FNBP1L: variants seen among roughly 807,000 people sequenced by gnomAD.
FNBP1L encodes the protein formin binding protein 1 like.
Under a neutral mutation model 91.2 loss-of-function variants are expected in FNBP1L, and 36 were observed. The observed-to-expected ratio is 0.39, with a 90% CI of 0.30 to 0.52. The LOEUF (loss-of-function observed/expected upper bound fraction) is 0.52. Ranked by LOEUF, FNBP1L falls within the 20% of genes least tolerant of loss-of-function variation. The pLI is 0.66. For synonymous variants in FNBP1L, 242 were observed against 237.0 expected (o/e 1.02, Z -0.19); for missense variants, 571 against 732.1 (o/e 0.78, Z 2.54).
At chr1:93,454,247 T>C (rs1200022787) in intron 1 of FNBP1L, among the ~76,000 whole-genome samples, 1 of 152,166 alleles carries the variant, frequency 6.6e-6, no homozygotes, top group Non-Finnish European at 1.5e-5. Flanking sequence ...AAAGTAGTGA[T>C]GAAGGGTAGA....
intron 15 of FNBP1L, 150 bp from the exon 16 acceptor site, chr1:93,550,796 CA>C: frequency 2.8e-6 from 2 of 706,678 alleles, no homozygotes. Context: ...GGGTAAGCCA[CA>C]AAGCACAATA....
intron 1 of FNBP1L, among the ~76,000 whole-genome samples, chr1:93,478,817 A>T (rs1171182769): frequency 6.6e-6 from 1 of 152,200 alleles, no homozygotes; most frequent in African/African-American, 2.4e-5. Context: ...AACTCATGGT[A>T]TAGATAGATG....
intron 2 of FNBP1L, among the ~76,000 whole-genome samples, chr1:93,503,768 C>T (rs984958066): frequency 1.3e-5 from 2 of 152,006 alleles, no homozygotes; most frequent in Non-Finnish European, 2.9e-5. Context: ...ATCAGTCATT[C>T]TTTTAATAAA....
chr1:93,496,587 A>G (rs1670268498), intron 1 of FNBP1L, among the ~76,000 whole-genome samples: 1 of 151,916 alleles, frequency 6.6e-6, no homozygotes, highest in South Asian at 2.1e-4. Context: ...TTTTTTTGTT[A>G]GAGATTGGGT....
At chr1:93,470,574 T>C (rs781709280) in intron 1 of FNBP1L, among the ~76,000 whole-genome samples, 1 of 152,126 alleles carries the variant, frequency 6.6e-6, no homozygotes, top group Non-Finnish European at 1.5e-5. Context: ...GTTTCAGATA[T>C]GAAAGTCCAG....
At chr1:93,544,710 G>A (rs753107788) in intron 12 of FNBP1L, among the ~76,000 whole-genome samples, 2 of 152,074 alleles carry the variant, frequency 1.3e-5, no homozygotes, top group Middle Eastern at 3.4e-3. Context: ...AATTATTCAC[G>A]ATCATTAAAG....
chr1:93,534,919 T>A lies in FNBP1L; in HGVS notation c.990+11T>A. The A allele has an allele frequency of 3.2e-6, 5 of 1,555,442 alleles. No individual in the cohort carries two copies. The highest frequency in any genetic ancestry group is 4.4e-6 in the Non-Finnish European group (5 of 1,148,654). On this transcript the variant is annotated intron_variant, in intron 9 of 16. Transcript: ENST00000271234. Reference sequence around the variant, plus strand: ...GGAAAGAAGCCAAAGGTAAAAGTCATAAAATTCCTATATGCTAATCAGTTT... The same window carrying A: ...GGAAAGAAGCCAAAGGTAAAAGTCAAAAAATTCCTATATGCTAATCAGTTT...
At chr1:93,515,647 C>T (rs1253254390) in intron 2 of FNBP1L, among the ~76,000 whole-genome samples, 1 of 151,448 alleles carries the variant, frequency 6.6e-6, no homozygotes, top group Non-Finnish European at 1.5e-5. Flanking sequence ...TCATCATTCT[C>T]AGTAAACTAT....
At position 93,530,741 on chromosome 1, in the gene FNBP1L, C is replaced by A; in HGVS notation, c.511-14C>A. On this transcript the variant is annotated splice_polypyrimidine_tract_variant and intron_variant, in intron 6 of 16. Transcript: ENST00000271234. ...TTTTGTTGTTGATAATAATTTCGAC[C>A]ATTTTGCCCCTAGGCCAAACAGCAG... The A allele has an allele frequency of 6.3e-7, 1 of 1,590,644 alleles. No individual in the cohort carries two copies. Among genetic ancestry groups the A allele is most frequent in the South Asian group, 1.2e-5 (1 of 85,692 alleles).
chr1:93,448,600 T>G (rs1668358764), intron 1 of FNBP1L, among the ~76,000 whole-genome samples: 1 of 152,058 alleles, frequency 6.6e-6, no homozygotes, highest in Non-Finnish European at 1.5e-5. Context: ...GATCCCCTCT[T>G]GTTCCTTCTC....
At chr1:93,459,253 G>T (rs1351993468) in intron 1 of FNBP1L, among the ~76,000 whole-genome samples, 1 of 152,228 alleles carries the variant, frequency 6.6e-6, no homozygotes, top group Non-Finnish European at 1.5e-5. Context: ...CAGTGAGAGA[G>T]ACTCTGTCTC....
At chr1:93,540,635 A>G (rs908008607) in intron 10 of FNBP1L, among the ~76,000 whole-genome samples, 1 of 152,092 alleles carries the variant, frequency 6.6e-6, no homozygotes, top group African/African-American at 2.4e-5. Context: ...ATTTTTTAAT[A>G]TTTCACATAA....
chr1:93,465,872 CCTGA>C (rs1322506516), intron 1 of FNBP1L, among the ~76,000 whole-genome samples: 1 of 152,190 alleles, frequency 6.6e-6, no homozygotes, highest in Non-Finnish European at 1.5e-5. Context: ...CCTGTTGTTT[CCTGA>C]CTTTTTAATG....
chr1:93,493,069 G>T (rs1262929127), intron 1 of FNBP1L, among the ~76,000 whole-genome samples: 1 of 152,164 alleles, frequency 6.6e-6, no homozygotes, highest in African/African-American at 2.4e-5. Flanking sequence ...TTTGAGACTA[G>T]CCTGGGCAAC....
chr1:93,525,068 C>CAA (rs35709316), intron 5 of FNBP1L, among the ~76,000 whole-genome samples: 12 of 135,852 alleles, frequency 8.8e-5, no homozygotes, highest in African/African-American at 2.7e-4. Context: ...GGATTAGAGT[C>CAA]AAAAAAAAAA....
At chr1:93,510,375 C>CA (rs779801974) in intron 2 of FNBP1L, among the ~76,000 whole-genome samples, 4 of 152,150 alleles carry the variant, frequency 2.6e-5, no homozygotes, top group Non-Finnish European at 5.9e-5. Context: ...CTGGGTACTC[C>CA]AACAGACCTG....
intron 1 of FNBP1L, among the ~76,000 whole-genome samples, chr1:93,455,049 C>T (rs1207462455): frequency 1.3e-5 from 2 of 152,162 alleles, no homozygotes; most frequent in African/African-American, 4.8e-5. Context: ...CTGCCTCAGC[C>T]TTCCGAGTAG....
chr1:93,450,053 G>A (rs1283465720), intron 1 of FNBP1L, among the ~76,000 whole-genome samples: 1 of 152,014 alleles, frequency 6.6e-6, no homozygotes, highest in African/African-American at 2.4e-5. Flanking sequence ...AAACAGTGGA[G>A]GCATGTTATT....
intron 1 of FNBP1L, among the ~76,000 whole-genome samples, chr1:93,456,541 G>A (rs555784020): frequency 6.6e-6 from 1 of 150,968 alleles, no homozygotes; most frequent in African/African-American, 2.4e-5. Context: ...AGACCAGGGT[G>A]GGTGGAGCTC....
Sources: gnomAD v4.1 joint callset for allele counts (sites outside exome capture counted in the v4.1 genomes callset) on GRCh38, gnomAD v4.1.1 for gene constraint, MANE v1.5 for transcripts, NCBI Gene and HGNC (gene_info 2026-07-23, HGNC 2026-07-21) for gene names.